The following FHIT variants were observed in gnomAD, a reference collection of about 807,000 sequenced individuals.
FHIT encodes fragile histidine triad diadenosine triphosphatase, also known as bis(5'-adenosyl)-triphosphatase.
In FHIT, 19 loss-of-function variants were observed where a neutral mutation model predicts 17.9. The observed-to-expected ratio is 1.06, with a 90% CI of 0.74 to 1.56. The LOEUF is 1.56. Among genes scored for constraint, FHIT ranks in the 40% most tolerant of loss-of-function variants. The pLI is 0.00. For synonymous variants in FHIT, 81 were observed against 69.7 expected (o/e 1.16, Z -0.81); for missense variants, 248 against 189.2 (o/e 1.31, Z -1.82).
intron 4 of FHIT, among the ~76,000 whole-genome samples, chr3:60,812,284 T>A (rs1701594100): frequency 6.6e-6 from 1 of 151,282 alleles, no homozygotes; most frequent in African/African-American, 2.4e-5. Context: ...TGCCTCAGCC[T>A]CCCAAGCAGC....
chr3:60,848,036 AT>A (rs1340049274), intron 3 of FHIT, among the ~76,000 whole-genome samples: 1 of 152,144 alleles, frequency 6.6e-6, no homozygotes, highest in Non-Finnish European at 1.5e-5. Flanking sequence ...ACCATCACAA[AT>A]TTATGGAGTG....
intron 3 of FHIT, among the ~76,000 whole-genome samples, chr3:60,887,273 A>G (rs1013010082): frequency 2.0e-5 from 3 of 152,052 alleles, no homozygotes; most frequent in Non-Finnish European, 4.4e-5. Flanking sequence ...TTCTGTTAGG[A>G]CTTTTGTTTT....
At chr3:60,557,186 C>T (rs1000210984) in intron 4 of FHIT, among the ~76,000 whole-genome samples, 10 of 152,042 alleles carry the variant, frequency 6.6e-5, no homozygotes, top group African/African-American at 1.2e-4. Context: ...CAAAAGAAAA[C>T]ACTAAGAGTT....
At chr3:60,475,086 T>C (rs973803323) in intron 5 of FHIT, among the ~76,000 whole-genome samples, 4 of 141,604 alleles carry the variant, frequency 2.8e-5, no homozygotes, top group African/African-American at 3.1e-5. Flanking sequence ...ACAGATAGCT[T>C]GGGGGAAAAC....
intron 5 of FHIT, among the ~76,000 whole-genome samples, chr3:60,119,791 T>C (rs1159440727): frequency 6.6e-6 from 1 of 152,142 alleles, no homozygotes; most frequent in Non-Finnish European, 1.5e-5. Context: ...GTCCCTCCAG[T>C]GTAGCACTAA....
chr3:60,460,697 T>C (rs192446228), intron 5 of FHIT, among the ~76,000 whole-genome samples: 39 of 152,326 alleles, frequency 2.6e-4, no homozygotes, highest in African/African-American at 7.9e-4. Context: ...ACATGTGCTG[T>C]GATTTACAAT....
intron 3 of FHIT, among the ~76,000 whole-genome samples, chr3:60,954,560 T>C (rs1442124238): frequency 1.3e-5 from 2 of 152,166 alleles, no homozygotes; most frequent in African/African-American, 4.8e-5. Context: ...AGTTTGGAGC[T>C]CAATAATGAT....
chr3:60,205,286 T>C (rs1703120521), intron 5 of FHIT, among the ~76,000 whole-genome samples: 1 of 152,110 alleles, frequency 6.6e-6, no homozygotes, highest in Non-Finnish European at 1.5e-5. Flanking sequence ...GAATGAGTAA[T>C]ATTCCATTTT....
At chr3:60,599,529 T>C (rs2038375576) in intron 4 of FHIT, among the ~76,000 whole-genome samples, 1 of 152,068 alleles carries the variant, frequency 6.6e-6, no homozygotes, top group African/African-American at 2.4e-5. Flanking sequence ...GAGTCAAATA[T>C]CAGAAACATC....
In FHIT at chr3:61,134,683, T is replaced by C. The variant is rs76977457; in HGVS notation, c.-164+65934A>G. ...TAGGTGCAGGAGTTTATGTGAGAGATGACTCCAGGAAGCAGAGATGAGGAA... is the reference window on the plus strand; with the variant it reads ...TAGGTGCAGGAGTTTATGTGAGAGACGACTCCAGGAAGCAGAGATGAGGAA... On this transcript the variant is annotated intron_variant, in intron 2 of 9. Coordinates refer to ENST00000492590, the MANE Select transcript of FHIT (RefSeq NM_002012.4). Among the ~76,000 whole-genome samples the C allele has an allele frequency of 1.1e-4, 16 of 152,086 alleles. No homozygotes were observed. The East Asian group carries it at 3.1e-3, about 29-fold the overall frequency.
chr3:59,926,691 G>A (rs778156946), intron 7 of FHIT, among the ~76,000 whole-genome samples: 5 of 152,154 alleles, frequency 3.3e-5, no homozygotes, highest in Admixed American at 6.5e-5. Context: ...GTTTCAGTAA[G>A]GCTAGGAGAA....
chr3:60,179,385 AT>A (rs1701824211), intron 5 of FHIT, among the ~76,000 whole-genome samples: 1 of 152,210 alleles, frequency 6.6e-6, no homozygotes, highest in Non-Finnish European at 1.5e-5. Flanking sequence ...AAGCAAAACC[AT>A]TTTGAAATAT....
At chr3:61,088,141 A>G (rs1422512842) in intron 2 of FHIT, among the ~76,000 whole-genome samples, 1 of 152,168 alleles carries the variant, frequency 6.6e-6, no homozygotes, top group Non-Finnish European at 1.5e-5. Context: ...CTCAAGTTAA[A>G]AAGTCAAACA....
At chr3:60,750,751 A>G (rs1327239279) in intron 4 of FHIT, among the ~76,000 whole-genome samples, 1 of 152,176 alleles carries the variant, frequency 6.6e-6, no homozygotes, top group Non-Finnish European at 1.5e-5. Context: ...CTGCTCCTGC[A>G]AATAAAGTCC....
chr3:60,700,018 C>T (rs1276802632), intron 4 of FHIT, among the ~76,000 whole-genome samples: 1 of 151,426 alleles, frequency 6.6e-6, no homozygotes, highest in Non-Finnish European at 1.5e-5. Context: ...GTAATCCCAG[C>T]TTCTCAGGAG....
chr3:60,989,907 G>A (rs959086487), intron 3 of FHIT, among the ~76,000 whole-genome samples: 5 of 152,194 alleles, frequency 3.3e-5, no homozygotes, highest in Non-Finnish European at 7.4e-5. Context: ...AGATGAATGT[G>A]CAGGCTTGAA....
Position 59,992,237 on chromosome 3 carries a change from G to C in FHIT, c.279+19134C>G, listed in dbSNP as rs146099351. On this transcript the variant is annotated intron_variant, in intron 7 of 9. Coordinates refer to ENST00000492590, the MANE Select transcript of FHIT (RefSeq NM_002012.4). The stretch of plus-strand genomic sequence containing the variant: ...TGTTACTTTAAACCTAACCAAATGA[G>C]AAGTGACCTGCCATCAAGCTCCCGC... Among the ~76,000 whole-genome samples, 295 of 152,104 alleles carry C rather than the reference G, an allele frequency of 1.9e-3. 1 individual carries two copies. Among genetic ancestry groups the C allele is most frequent in the African/African-American group, 7.0e-3 (289 of 41,518 alleles).
At chr3:60,222,587 G>A (rs568149321) in intron 5 of FHIT, among the ~76,000 whole-genome samples, 14 of 152,120 alleles carry the variant, frequency 9.2e-5, no homozygotes, top group South Asian at 2.1e-4. Context: ...TCAGGAGTTC[G>A]AGACCAGCCT....
intron 4 of FHIT, among the ~76,000 whole-genome samples, chr3:60,549,899 T>C (rs551110040): frequency 6.6e-6 from 1 of 152,322 alleles, no homozygotes; most frequent in East Asian, 1.9e-4. Context: ...TAATCTGCTA[T>C]TTTTATACCC....
Sources: allele counts gnomAD v4.1 joint callset (sites outside exome capture counted in the v4.1 genomes callset), GRCh38; gene constraint gnomAD v4.1.1; transcripts MANE v1.5; gene names NCBI Gene and HGNC (gene_info 2026-07-23, HGNC 2026-07-21).